Variants in EFCAB7 observed in about 807,000 individuals in gnomAD.
EFCAB7 encodes EF-hand calcium binding domain 7, also known as EF-hand calcium-binding domain-containing protein 7.
In EFCAB7, 66 loss-of-function variants were observed where a neutral mutation model predicts 77.1. The ratio of observed to expected loss-of-function variants is 0.86; its 90% CI spans 0.70 to 1.05. The LOEUF (loss-of-function observed/expected upper bound fraction) is 1.05. Ranked by LOEUF, EFCAB7 falls within the 50% of genes least tolerant of loss-of-function variation. The probability of loss-of-function intolerance (pLI) is 0.00; values close to 1 mark genes in which losing one functional copy is unlikely to be tolerated. For missense variants in EFCAB7, 638 were observed against 730.5 expected, an observed-to-expected ratio of 0.87 and a Z score of 1.46; for synonymous variants, 225 against 243.3, an observed-to-expected ratio of 0.92 and a Z score of 0.70.
chr1:63,541,881 A>G (rs1405959765), intron 6 of EFCAB7, among the ~76,000 whole-genome samples: 1 of 152,296 alleles, frequency 6.6e-6, no homozygotes, highest in East Asian at 1.9e-4. Context: ...ATTTTTAATC[A>G]TAGAACCATT....
In EFCAB7 at chr1:63,525,599, A is replaced by C; in HGVS notation, c.27A>C (p.Ala9=). Residue 9 remains alanine (A), a synonymous_variant, in exon 2 of 14, where the codon GCA becomes GCC. Coordinates refer to ENST00000371088, the MANE Select transcript of EFCAB7 (RefSeq NM_032437.4). ...TGGCGATCAGTCCACGAAGCGATGC[A>C]ACTTTCTCCAGTCAGAAATCAACAC... is the stretch of plus-strand genomic sequence containing the variant. MAISPRSD[A]TFSSQKSTPS... is the part of the protein sequence containing the mutation. 2 of 1,569,858 alleles carry C rather than the reference A, an allele frequency of 1.3e-6. No individual in the cohort carries two copies. Among genetic ancestry groups the C allele is most frequent in the Non-Finnish European group, 1.7e-6 (2 of 1,168,762 alleles).
At chr1:63,540,460 G>C (rs771638586) in intron 6 of EFCAB7, among the ~76,000 whole-genome samples, 2 of 149,866 alleles carry the variant, frequency 1.3e-5, no homozygotes, top group Non-Finnish European at 3.0e-5. Context: ...ATTTGAATTC[G>C]TACCCTGAGT....
chr1:63,575,825 C>T (rs894251076), downstream of EFCAB7, among the ~76,000 whole-genome samples: 2 of 151,828 alleles, frequency 1.3e-5, no homozygotes, highest in Admixed American at 6.6e-5. Flanking sequence ...TGGGGTCAAG[C>T]GATTTGGTGC....
chr1:63,534,242 ACTTTTTCTG>A (rs1339922426), intron 6 of EFCAB7, 26 bp downstream of exon 6: 3 of 1,596,368 alleles, frequency 1.9e-6, no homozygotes, highest in Admixed American at 3.5e-5. Context: ...TTAACAGATG[ACTTTTTCTG>A]AAAAAAATTT....
At chr1:63,555,325 G>A in intron 8 of EFCAB7, 33 bp from the exon 9 acceptor site, 1 of 1,578,408 alleles carries the variant, frequency 6.3e-7, no homozygotes, top group Non-Finnish European at 8.6e-7. Context: ...GATTAAGACT[G>A]ATGATTGTTT....
In EFCAB7 at chr1:63,571,253, A is replaced by G. The variant is rs999650411; in HGVS notation, c.1815+125A>G. On this transcript the variant is annotated intron_variant, in intron 13 of 13. Transcript: ENST00000371088. ...AAATTATTTTAAGTATGATATTTGT[A>G]TCAGTATCATTCTATACTCAGAGAC... 1.1e-5 allele frequency: 7 copies of G among 649,984 alleles called. No individual in the cohort carries two copies. In the Admixed American group the frequency reaches 2.1e-4, roughly 19 times the overall value. The allele number at this position is 649,984 out of a possible 1,614,324, so 40.3% of individuals were successfully genotyped here.
chr1:63,556,748 C>T (rs970834910), intron 9 of EFCAB7, among the ~76,000 whole-genome samples: 1 of 151,726 alleles, frequency 6.6e-6, no homozygotes, highest in Non-Finnish European at 1.5e-5. Flanking sequence ...TTCAGCCAGG[C>T]GCGGTGGTTC....
chr1:63,557,182 A>G lies in EFCAB7; in HGVS notation c.1283A>G (p.Tyr428Cys), dbSNP rs757249289. The G allele has an allele frequency of 3.1e-6, 5 of 1,611,140 alleles. No homozygotes were observed. Among genetic ancestry groups the G allele is most frequent in the Non-Finnish European group, 4.2e-6 (5 of 1,179,206 alleles). ...DGNGLLSLEE[Y>C]NFFELRTSGE... ...AATGGTCTTCTTAGCCTTGAAGAAT[A>G]TAATTTTTTTGAATTGAGAACAAGT... The change falls in exon 10 of 14, where the codon TAT (tyrosine) becomes TGT (cysteine). Residue 428 changes from tyrosine to cysteine, a missense_variant. Coordinates refer to ENST00000371088, the MANE Select transcript of EFCAB7 (RefSeq NM_032437.4).
chr1:63,563,307 A>T (rs1570437107), intron 11 of EFCAB7, among the ~76,000 whole-genome samples: 1 of 152,230 alleles, frequency 6.6e-6, no homozygotes, highest in African/African-American at 2.4e-5. Flanking sequence ...AGGTAAAAAA[A>T]ATACAGTATA....
chr1:63,539,866 A>G (rs1646806964), intron 6 of EFCAB7, among the ~76,000 whole-genome samples: 1 of 152,186 alleles, frequency 6.6e-6, no homozygotes, highest in Admixed American at 6.5e-5. Context: ...AACTGTCTCA[A>G]AGTGTAACTT....
At chr1:63,552,737 T>A (rs1199201375) in intron 8 of EFCAB7, among the ~76,000 whole-genome samples, 2 of 152,192 alleles carry the variant, frequency 1.3e-5, no homozygotes, top group Non-Finnish European at 2.9e-5. Context: ...TACTACAGTA[T>A]CATATTTAAT....
downstream of EFCAB7, among the ~76,000 whole-genome samples, chr1:63,576,044 C>A (rs1268077142): frequency 6.6e-6 from 1 of 152,152 alleles, no homozygotes; most frequent in Non-Finnish European, 1.5e-5. Context: ...GATGCTCAGC[C>A]TAGCTTAATT....
At chr1:63,557,593 A>C (rs1367405271) in intron 10 of EFCAB7, among the ~76,000 whole-genome samples, 1 of 152,216 alleles carries the variant, frequency 6.6e-6, no homozygotes, top group Non-Finnish European at 1.5e-5. Flanking sequence ...AGAGGGCAGC[A>C]AAAAGCCAAA....
At chr1:63,525,169 C>T (rs540299847) in intron 1 of EFCAB7, among the ~76,000 whole-genome samples, 2 of 152,256 alleles carry the variant, frequency 1.3e-5, no homozygotes, top group Non-Finnish European at 2.9e-5. Context: ...ATTTGCTCCT[C>T]TTAAAAACCT....
At chr1:63,569,503 CA>C in intron 12 of EFCAB7, 1 of 152,114 alleles carries the variant, frequency 6.6e-6, no homozygotes. Context: ...TTACGAGGGG[CA>C]AGGGAACTGT....
At chr1:63,562,394 T>C (rs1460220945) in intron 11 of EFCAB7, among the ~76,000 whole-genome samples, 1 of 140,628 alleles carries the variant, frequency 7.1e-6, no homozygotes, top group Non-Finnish European at 1.5e-5. Context: ...TGAACAGGGC[T>C]CGTAATAAAC....
chr1:63,573,740 G>A (rs1439502900), downstream of EFCAB7, among the ~76,000 whole-genome samples: 3 of 152,184 alleles, frequency 2.0e-5, no homozygotes, highest in Admixed American at 6.5e-5. Flanking sequence ...CTAAAAAGGA[G>A]CATCCATACA....
downstream of EFCAB7, among the ~76,000 whole-genome samples, chr1:63,573,159 C>T (rs374254652): frequency 4.6e-5 from 7 of 151,902 alleles, no homozygotes; most frequent in East Asian, 1.9e-4. Context: ...AGTGTTGGGG[C>T]GGCGAAAATT....
chr1:63,576,672 A>T (rs923158873), downstream of EFCAB7, among the ~76,000 whole-genome samples: 3 of 132,406 alleles, frequency 2.3e-5, no homozygotes, highest in African/African-American at 1.1e-4. Context: ...AATAAAATTA[A>T]AAAAAAAAAA....
Sources: allele counts gnomAD v4.1 joint callset (sites outside exome capture counted in the v4.1 genomes callset), GRCh38; gene constraint gnomAD v4.1.1; transcripts MANE v1.5; gene names NCBI Gene and HGNC (gene_info 2026-07-23, HGNC 2026-07-21).